KHDRBS2: variants seen among roughly 807,000 people sequenced by gnomAD.
KHDRBS2 encodes KH domain-containing, RNA-binding, signal transduction-associated protein 2.
In KHDRBS2, 26 loss-of-function variants were observed where a neutral mutation model predicts 44.3. The observed-to-expected ratio is 0.59, with a 90% CI of 0.43 to 0.81. The LOEUF (loss-of-function observed/expected upper bound fraction) is 0.81. KHDRBS2 is among the 40% of genes least tolerant of loss of function. The probability of loss-of-function intolerance (pLI) is 0.00; values close to 1 mark genes in which losing one functional copy is unlikely to be tolerated. For synonymous variants in KHDRBS2, 194 were observed against 151.1 expected (o/e 1.28, Z -2.08); for missense variants, 476 against 433.1 (o/e 1.10, Z -0.88).
chr6:62,252,115 C>A (rs1836648893), intron 1 of KHDRBS2, among the ~76,000 whole-genome samples: 1 of 151,626 alleles, frequency 6.6e-6, no homozygotes, highest in Admixed American at 6.6e-5. Context: ...TGTGTTCCTT[C>A]CTTCAGGTTT....
At chr6:62,128,148 A>T (rs1288346185) in intron 2 of KHDRBS2, among the ~76,000 whole-genome samples, 3 of 152,132 alleles carry the variant, frequency 2.0e-5, no homozygotes, top group African/African-American at 7.2e-5. Context: ...CTATTAGGTG[A>T]TAATATAATT....
At chr6:61,839,163 G>A (rs879712694) in intron 6 of KHDRBS2, among the ~76,000 whole-genome samples, 16 of 152,042 alleles carry the variant, frequency 1.1e-4, no homozygotes, top group African/African-American at 3.9e-4. Flanking sequence ...CATAAGAAGC[G>A]TCTGTGTCTC....
At chr6:61,545,918 C>T in the KHDRBS2 span, among the ~76,000 whole-genome samples, 8 of 152,054 alleles carry the variant, frequency 5.3e-5, no homozygotes, top group Non-Finnish European at 1.0e-4. Flanking sequence ...GGGGAGAGGC[C>T]TCACCAGAAA....
At chr6:61,562,785 A>G in the KHDRBS2 span, among the ~76,000 whole-genome samples, 2 of 152,146 alleles carry the variant, frequency 1.3e-5, no homozygotes. Context: ...TTTCCTCTGG[A>G]TAAAGCCACA....
chr6:61,852,120 G>T (rs113487167), intron 6 of KHDRBS2, among the ~76,000 whole-genome samples: 2,236 of 152,168 alleles, frequency 0.015, 15 homozygotes, highest in Middle Eastern at 0.027. Context: ...TACTCGGGAG[G>T]CTGAGGCAGG....
chr6:61,611,665 T>C, the KHDRBS2 span, among the ~76,000 whole-genome samples: 3 of 152,194 alleles, frequency 2.0e-5, no homozygotes, highest in African/African-American at 7.2e-5. Flanking sequence ...ATTTCAGCTT[T>C]TATTTTAGAT....
chr6:61,562,862 G>A, the KHDRBS2 span, among the ~76,000 whole-genome samples: 87,966 of 151,984 alleles, frequency 0.58, 25,677 homozygotes, highest in Non-Finnish European at 0.61. Context: ...GACAAATGCT[G>A]TCAAGTCCTC....
chr6:62,085,349 G>T (rs1798190961), intron 2 of KHDRBS2, among the ~76,000 whole-genome samples: 2 of 152,074 alleles, frequency 1.3e-5, no homozygotes, highest in South Asian at 4.1e-4. Context: ...GATATAAAAA[G>T]CATAGGAAAT....
chr6:61,651,683 G>A, the KHDRBS2 span, among the ~76,000 whole-genome samples: 2 of 152,036 alleles, frequency 1.3e-5, no homozygotes, highest in South Asian at 2.1e-4. Context: ...TTGAAACCAA[G>A]CCTTCTGGCT....
At chr6:61,835,126 G>A (rs1367823658) in intron 6 of KHDRBS2, among the ~76,000 whole-genome samples, 2 of 151,994 alleles carry the variant, frequency 1.3e-5, no homozygotes, top group East Asian at 3.9e-4. Flanking sequence ...GAGAAAAGCT[G>A]GGGGTTTATT....
At chr6:61,693,608 A>G (rs1767598012) in intron 8 of KHDRBS2, among the ~76,000 whole-genome samples, 1 of 152,186 alleles carries the variant, frequency 6.6e-6, no homozygotes, top group African/African-American at 2.4e-5. Context: ...TATTCTGTTC[A>G]GACAGTAAAA....
the KHDRBS2 span, among the ~76,000 whole-genome samples, chr6:61,553,342 G>A: frequency 6.6e-6 from 1 of 152,084 alleles, no homozygotes; most frequent in African/African-American, 2.4e-5. Flanking sequence ...GGGGTAAGTG[G>A]TAACATCCCG....
chr6:61,790,801 A>T lies in KHDRBS2; in HGVS notation c.811-58037T>A, dbSNP rs191104653. ...AATGAAATGAACCCTTGAATGGTTT[A>T]CCCCTTTTCTATATTCTGGAATAGT... On this transcript the variant is annotated intron_variant, in intron 6 of 8. Transcript: ENST00000281156. Among the ~76,000 whole-genome samples the T allele has an allele frequency of 4.1e-4, 62 of 151,624 alleles. 1 individual carries two copies. The highest frequency in any genetic ancestry group is 1.4e-3 in the African/African-American group (59 of 41,530).
At chr6:62,090,916 C>G (rs1346692084) in intron 2 of KHDRBS2, among the ~76,000 whole-genome samples, 3 of 152,162 alleles carry the variant, frequency 2.0e-5, no homozygotes, top group Non-Finnish European at 4.4e-5. Context: ...CAACAAGCAG[C>G]TTAAGTACCA....
In KHDRBS2 at chr6:62,007,549, T is replaced by G. The variant is rs1471638648; in HGVS notation, c.337-29337A>C. Among the ~76,000 whole-genome samples the G allele has an allele frequency of 2.0e-5, 3 of 152,114 alleles. No individual in the cohort carries two copies. In the East Asian group the frequency reaches 5.8e-4, roughly 29 times the overall value. On this transcript the variant is annotated intron_variant, in intron 3 of 8. Coordinates refer to ENST00000281156, the MANE Select transcript of KHDRBS2 (RefSeq NM_152688.4). ...TAATTATCATGCAAACTTTAATCTG[T>G]TTAATTAATTATTGTGTCTTAAAAA...
intron 1 of KHDRBS2, among the ~76,000 whole-genome samples, chr6:62,204,438 G>C (rs1827603459): frequency 6.6e-6 from 1 of 152,124 alleles, no homozygotes; most frequent in Non-Finnish European, 1.5e-5. Context: ...GACCAGAAGA[G>C]TTTTGGATTT....
At chr6:62,127,536 T>TA (rs1353659997) in intron 2 of KHDRBS2, among the ~76,000 whole-genome samples, 2 of 152,096 alleles carry the variant, frequency 1.3e-5, no homozygotes, top group African/African-American at 4.8e-5. Context: ...AAAATACATC[T>TA]AATTTGAATA....
intron 3 of KHDRBS2, among the ~76,000 whole-genome samples, chr6:62,002,276 T>C (rs1444063317): frequency 2.6e-5 from 4 of 151,862 alleles, no homozygotes; most frequent in African/African-American, 9.7e-5. Flanking sequence ...TGAAGTAAGA[T>C]GATAATATTG....
chr6:62,007,111 A>G (rs1257435855), intron 3 of KHDRBS2, among the ~76,000 whole-genome samples: 1 of 152,040 alleles, frequency 6.6e-6, no homozygotes, highest in Non-Finnish European at 1.5e-5. Flanking sequence ...TTATAACCAC[A>G]AGGGTTGGGA....
Sources: gnomAD v4.1 joint callset for allele counts (sites outside exome capture counted in the v4.1 genomes callset) on GRCh38, gnomAD v4.1.1 for gene constraint, MANE v1.5 for transcripts, NCBI Gene and HGNC (gene_info 2026-07-23, HGNC 2026-07-21) for gene names.